Variants in ABCC2 observed in about 807,000 individuals in gnomAD.
The protein encoded by ABCC2 is ATP-binding cassette sub-family C member 2.
ABCC2 carries 157 observed loss-of-function variants against 173.4 expected under a neutral mutation model. The ratio of observed to expected loss-of-function variants is 0.91; its 90% CI spans 0.80 to 1.03. The LOEUF is 1.03. Ranked by LOEUF, ABCC2 falls within the 50% of genes least tolerant of loss-of-function variation. The pLI, the probability that ABCC2 is intolerant of heterozygous loss-of-function variation, is 0.00. For synonymous variants in ABCC2, 657 were observed against 693.5 expected, an observed-to-expected ratio of 0.95 and a Z score of 0.83; for missense variants, 1,822 against 1,852.3, an observed-to-expected ratio of 0.98 and a Z score of 0.30.
rs72558202 is a variant in ABCC2, at chr10:99,845,781, A to G, written c.4145A>G (p.Gln1382Arg). The G allele has an allele frequency of 1.9e-6, 3 of 1,610,070 alleles. No homozygotes were observed. In the East Asian group the frequency reaches 6.7e-5, roughly 36 times the overall value. Reference sequence around the variant, plus strand: ...CGAGAGAAGCTGACCATCATCCCCCAGGTGAGCTCTAGAACTTACTCGGGC... The same window carrying G: ...CGAGAGAAGCTGACCATCATCCCCCGGGTGAGCTCTAGAACTTACTCGGGC... Reference protein sequence around the residue: ...DLREKLTIIPQDPILFSGSLR... With the variant: ...DLREKLTIIPRDPILFSGSLR... The change falls in exon 29 of 32, where the codon CAG becomes CGG. Residue 1382 changes from glutamine to arginine, a missense_variant and splice_region_variant. Transcript: ENST00000647814.
chr10:99,846,025 A>G (rs1301010798), intron 29 of ABCC2, among the ~76,000 whole-genome samples: 1 of 152,236 alleles, frequency 6.6e-6, no homozygotes, highest in Non-Finnish European at 1.5e-5. Context: ...GAAGTCAAGT[A>G]CAGCAGACGA....
chr10:99,836,395 T>C (rs1305841315), intron 25 of ABCC2, 105 bp downstream of exon 25: 2 of 1,137,096 alleles, frequency 1.8e-6, no homozygotes, highest in Non-Finnish European at 2.6e-6. Flanking sequence ...AAATTCACTC[T>C]GGCCACACAC....
At chr10:99,822,169 CA>C (rs1156250399) in intron 19 of ABCC2, among the ~76,000 whole-genome samples, 1 of 152,190 alleles carries the variant, frequency 6.6e-6, no homozygotes, top group African/African-American at 2.4e-5. Flanking sequence ...CACATAGGCC[CA>C]GTAGGTATAG....
At chr10:99,831,571 A>G (rs2038738186) in intron 21 of ABCC2, 40 bp from the exon 22 acceptor site, 1 of 1,583,734 alleles carries the variant, frequency 6.3e-7, no homozygotes, top group Non-Finnish European at 8.7e-7. Context: ...ATCAAAAGCC[A>G]TTAGGGAGTT....
rs1401251753 is a variant in ABCC2 at position 99,843,813 on chromosome 10, G to A, written c.3756G>A (p.Leu1252=). ...TTTTTCTGTAGATCACACAAACCCT[G>A]AACTGGCTGGTGAGGATGACATCAG... ...LSNALNITQT[L]NWLVRMTSEI... is the part of the protein sequence containing the mutation. The change falls in exon 27 of 32, where the codon CTG becomes CTA. Residue 1252 remains leucine (L), a synonymous_variant. Transcript: ENST00000647814. 6.2e-7 allele frequency: 1 copy of A among 1,614,052 alleles called. No individual in the cohort carries two copies. The highest frequency in any genetic ancestry group is 1.7e-5 in the Admixed American group (1 of 60,016).
intron 6 of ABCC2, 92 bp downstream of exon 6, chr10:99,794,560 T>C: frequency 7.7e-7 from 1 of 1,307,028 alleles, no homozygotes; most frequent in Non-Finnish European, 1.1e-6. Context: ...TATTTTTTTT[T>C]TGAGATGGAG....
rs11412117 is a variant in ABCC2 at position 99,789,709 on chromosome 10, C to CAAA, written c.208-2510_208-2508dup. ...TGGGTGACAGAGCGAAACTCCGTCT[C>CAAA]AAAAAAAAAAAAAAAAAGAAAAAGG... On this transcript the variant is annotated intron_variant, in intron 2 of 31. Coordinates refer to ENST00000647814, the MANE Select transcript of ABCC2 (RefSeq NM_000392.5). Among the ~76,000 whole-genome samples, 469 of 98,202 alleles carry CAAA rather than the reference C, an allele frequency of 4.8e-3. 3 individuals are homozygous for CAAA. The highest frequency in any genetic ancestry group is 0.018 in the African/African-American group (456 of 24,890). 64.4% of individuals were successfully genotyped at this position (98,202 alleles called of 152,430 possible).
intron 9 of ABCC2, among the ~76,000 whole-genome samples, chr10:99,801,381 C>A (rs2038013531): frequency 1.3e-5 from 2 of 152,120 alleles, no homozygotes; most frequent in Admixed American, 6.5e-5. Context: ...GGACTACAGG[C>A]ACGTGCCACC....
At chr10:99,788,237 T>C (rs1426539529) in intron 2 of ABCC2, among the ~76,000 whole-genome samples, 5 of 152,214 alleles carry the variant, frequency 3.3e-5, no homozygotes, top group African/African-American at 1.2e-4. Flanking sequence ...TAGCGTCCCA[T>C]ATGTGCTTTT....
chr10:99,797,018 G>C (rs2037926152), intron 6 of ABCC2, 79 bp from the exon 7 acceptor site: 3 of 1,225,254 alleles, frequency 2.4e-6, no homozygotes, highest in Non-Finnish European at 3.6e-6. Context: ...AGAACCTGGA[G>C]GTAGGTTCTG....
Position 99,844,400 on chromosome 10 carries a change from C to T in ABCC2, c.3922C>T (p.Arg1308Trp), listed in dbSNP as rs1024856612. 2.0e-5 allele frequency: 32 copies of T among 1,614,078 alleles called. No homozygotes were observed. The highest frequency in any genetic ancestry group is 2.6e-5 in the Non-Finnish European group (31 of 1,180,038). ...GKIQFNNYQV[R>W]YRPELDLVLR... ...GATCCAGTTTAACAACTACCAAGTG[C>T]GGTACCGACCTGAGCTGGATCTGGT... The change falls in exon 28 of 32, where the codon CGG becomes TGG. Residue 1308 changes from arginine to tryptophan, a missense_variant. Coordinates refer to ENST00000647814, the MANE Select transcript of ABCC2 (RefSeq NM_000392.5).
chr10:99,804,406 A>G (rs2038065527), intron 10 of ABCC2, 133 bp downstream of exon 10: 1 of 1,214,450 alleles, frequency 8.2e-7, no homozygotes, highest in African/African-American at 1.5e-5. Flanking sequence ...TCTCAATTGT[A>G]CTTAGCTGTC....
At chr10:99,823,095 T>C (rs1407986278) in intron 19 of ABCC2, among the ~76,000 whole-genome samples, 1 of 152,142 alleles carries the variant, frequency 6.6e-6, no homozygotes, top group Non-Finnish European at 1.5e-5. Flanking sequence ...ATGCGTGACA[T>C]CCATTTGCCA....
chr10:99,847,394 G>C (rs1640799249), intron 30 of ABCC2, among the ~76,000 whole-genome samples: 4 of 151,914 alleles, frequency 2.6e-5, no homozygotes, highest in African/African-American at 9.7e-5. Context: ...CTGAGGTCAG[G>C]AGTTCGTGAC....
chr10:99,819,100 G>A lies in ABCC2; in HGVS notation c.2451G>A (p.Leu817=). The A allele has an allele frequency of 6.2e-7, 1 of 1,614,078 alleles. No homozygotes were observed. Among genetic ancestry groups the A allele is most frequent in the Middle Eastern group, 1.6e-4 (1 of 6,062 alleles). The part of the protein sequence containing the change: ...NGLLKGKTRL[L]VTHSMHFLPQ... The stretch of plus-strand genomic sequence containing the variant: ...TATTATTTTTATAGACTCGACTCTT[G>A]GTTACACATAGCATGCACTTTCTTC... Residue 817 remains leucine (L), a synonymous_variant, in exon 19 of 32, where the codon TTG becomes TTA. Transcript: ENST00000647814.
chr10:99,812,873 G>A, intron 15 of ABCC2, 145 bp from the exon 16 acceptor site: 2 of 977,056 alleles, frequency 2.0e-6, no homozygotes, highest in Non-Finnish European at 3.2e-6. Flanking sequence ...AAGCACTTTG[G>A]GGTCTTGTAT....
In ABCC2 at chr10:99,806,077, C is replaced by CTCTCTCTGTGTGTGTGTGTG. The variant is rs10644836; in HGVS notation, c.1530+631_1530+632insCTCTCTGTGTGTGTGTGTGT. The stretch of plus-strand genomic sequence containing the variant: ...TCTACTACAGTCTCTCTCTCTCTGT[C>CTCTCTCTGTGTGTGTGTGTG]TGTGTGTGTGTGTGTGTGTGTGTGT... On this transcript the variant is annotated intron_variant, in intron 11 of 31. Transcript: ENST00000647814. Among the ~76,000 whole-genome samples the CTCTCTCTGTGTGTGTGTGTG allele has an allele frequency of 3.2e-3, 479 of 148,124 alleles. 2 individuals are homozygous for CTCTCTCTGTGTGTGTGTGTG. Among genetic ancestry groups the CTCTCTCTGTGTGTGTGTGTG allele is most frequent in the African/African-American group, 0.011 (446 of 39,798 alleles).
chr10:99,825,400 A>AGTGT (rs1272566693), intron 19 of ABCC2, among the ~76,000 whole-genome samples: 1 of 152,236 alleles, frequency 6.6e-6, no homozygotes, highest in Non-Finnish European at 1.5e-5. Context: ...CATCTGCTCC[A>AGTGT]GTGTCTACCA....
chr10:99,851,355 G>A (rs1329415049), intron 31 of ABCC2, 147 bp from the exon 32 acceptor site: 3 of 845,648 alleles, frequency 3.5e-6, no homozygotes, highest in East Asian at 4.9e-5. Context: ...ATTCATCCAT[G>A]TTGATGTGTG....
Sources: gnomAD v4.1 joint callset for allele counts (sites outside exome capture counted in the v4.1 genomes callset) on GRCh38, gnomAD v4.1.1 for gene constraint, MANE v1.5 for transcripts, NCBI Gene and HGNC (gene_info 2026-07-23, HGNC 2026-07-21) for gene names.